Variants in ABCA5 observed in about 807,000 individuals in gnomAD.
The protein encoded by ABCA5 is ATP binding cassette subfamily A member 5.
ABCA5 carries 163 observed loss-of-function variants against 206.0 expected under a neutral mutation model. The ratio of observed to expected loss-of-function variants is 0.79; its 90% CI spans 0.70 to 0.90. The LOEUF is 0.90. Among genes scored for constraint, ABCA5 ranks in the 40% least tolerant of loss-of-function variants. The pLI is 0.00. For missense variants in ABCA5, 1,859 were observed against 1,912.9 expected (o/e 0.97, Z 0.53); for synonymous variants, 609 against 613.8 (o/e 0.99, Z 0.11).
At chr17:69,274,174 T>C (rs1458731050) in intron 19 of ABCA5, 46 bp from the exon 20 acceptor site, 2 of 1,477,822 alleles carry the variant, frequency 1.4e-6, no homozygotes, top group Non-Finnish European at 1.8e-6. Context: ...CAAAGGTACA[T>C]TAATATGAAA....
intron 8 of ABCA5, among the ~76,000 whole-genome samples, chr17:69,301,960 G>A (rs949058187): frequency 6.6e-6 from 1 of 152,104 alleles, no homozygotes; most frequent in Non-Finnish European, 1.5e-5. Flanking sequence ...TTCGTTCCTA[G>A]AGAACGCGGA....
intron 4 of ABCA5, 72 bp downstream of exon 4, chr17:69,309,189 AT>A: frequency 7.9e-7 from 1 of 1,262,274 alleles, no homozygotes. Context: ...ACTATATAAA[AT>A]TTTGACTATG....
At position 69,287,597 on chromosome 17, in the gene ABCA5, A is replaced by C. The variant is rs1344063029; in HGVS notation, c.2041+16T>G. ...GCCCATGATCTCAGCCTTCGAAAAT[A>C]AAACAAAAATCTCACCTGCAAGAAT... is the stretch of plus-strand genomic sequence containing the variant. On this transcript the variant is annotated intron_variant, in intron 15 of 38. Transcript: ENST00000392676. 1 of 1,603,926 alleles carries C rather than the reference A, an allele frequency of 6.2e-7. No homozygotes were observed. The highest frequency in any genetic ancestry group is 1.1e-5 in the South Asian group (1 of 89,358).
At chr17:69,247,868 CTACT>C (rs987974542) in intron 38 of ABCA5, among the ~76,000 whole-genome samples, 2 of 151,942 alleles carry the variant, frequency 1.3e-5, no homozygotes, top group African/African-American at 4.8e-5. Flanking sequence ...TAATTCATAA[CTACT>C]TAAACAATGT....
At chr17:69,295,790 T>C (rs2144995469) in intron 10 of ABCA5, among the ~76,000 whole-genome samples, 1 of 152,330 alleles carries the variant, frequency 6.6e-6, no homozygotes, top group African/African-American at 2.4e-5. Context: ...ACATTTGTTT[T>C]TGGTATTTCT....
In ABCA5 at chr17:69,285,919, T is replaced by C; in HGVS notation, c.2251A>G (p.Lys751Glu). 6.2e-7 allele frequency: 1 copy of C among 1,612,442 alleles called. No homozygotes were observed. Among genetic ancestry groups the C allele is most frequent in the East Asian group, 2.2e-5 (1 of 44,776 alleles). ...DQQLVYSLPF[K>E]DMDKFSGLFS... ...ATACCTGAAAATTTGTCCATGTCCT[T>C]GAAAGGCAAGCTATACACAAGTTGT... Residue 751 changes from lysine (K) to glutamate (E), a missense_variant, in exon 17 of 39, where the codon AAG becomes GAG. By Grantham distance (56) the Lys-to-Glu change is moderately conservative. Coordinates refer to ENST00000392676, the MANE Select transcript of ABCA5 (RefSeq NM_172232.4).
chr17:69,247,357 T>A lies in ABCA5; in HGVS notation c.*180A>T, dbSNP rs1029108545. 12 of 529,512 alleles carry A rather than the reference T, an allele frequency of 2.3e-5. No homozygotes were observed. Among genetic ancestry groups the A allele is most frequent in the Non-Finnish European group, 3.6e-5 (11 of 302,782 alleles). 32.8% of individuals were successfully genotyped at this position (529,512 alleles called of 1,614,324 possible). A position where few individuals can be genotyped will look rare whatever the true frequency, so the allele number is the denominator to read the frequency against. Reference sequence around the variant, plus strand: ...ACATGCAGCTTCACTTAATTATACATACGTTTTATTTAAAGAAAAGCAAAA... The same window carrying A: ...ACATGCAGCTTCACTTAATTATACAAACGTTTTATTTAAAGAAAAGCAAAA... On this transcript the variant is annotated 3_prime_UTR_variant, in exon 39 of 39. Coordinates refer to ENST00000392676, the MANE Select transcript of ABCA5 (RefSeq NM_172232.4).
chr17:69,253,733 A>G, intron 33 of ABCA5, 61 bp downstream of exon 33: 1 of 1,575,840 alleles, frequency 6.3e-7, no homozygotes, highest in Non-Finnish European at 8.7e-7. Context: ...CTATCAAGAC[A>G]ATATCAGGTA....
In ABCA5 at chr17:69,297,298, G is replaced by T; in HGVS notation, c.1329C>A (p.Ser443Arg). ...YFLKPSYWSKSKRNYEELSEG... is the reference protein window; with the variant it reads ...YFLKPSYWSKRKRNYEELSEG... ...CTGATAACTCCTCATAATTTCTTTTGCTCTTTGACCAATATGAAGGCTTCA... is the reference window on the plus strand; with the variant it reads ...CTGATAACTCCTCATAATTTCTTTTTCTCTTTGACCAATATGAAGGCTTCA... The change falls in exon 10 of 39, where the codon AGC (serine) becomes AGA (arginine). Residue 443 changes from serine (S) to arginine (R), a missense_variant. Ser to Arg is a moderately radical substitution (Grantham distance 110). Coordinates refer to ENST00000392676, the MANE Select transcript of ABCA5 (RefSeq NM_172232.4). 2 of 1,611,630 alleles carry T rather than the reference G, an allele frequency of 1.2e-6. No homozygotes were observed. Among genetic ancestry groups the T allele is most frequent in the African/African-American group, 1.3e-5 (1 of 74,720 alleles).
intron 19 of ABCA5, among the ~76,000 whole-genome samples, chr17:69,275,368 A>G (rs200223319): frequency 2.0e-5 from 3 of 152,138 alleles, no homozygotes; most frequent in East Asian, 1.9e-4. Context: ...ATCACATGTA[A>G]TAAGTGTCCT....
rs2145039663 is a variant in ABCA5, at chr17:69,313,128, T to C, written c.271A>G (p.Ile91Val). 1.9e-6 allele frequency: 3 copies of C among 1,611,734 alleles called. No individual in the cohort carries two copies. Among genetic ancestry groups the C allele is most frequent in the Non-Finnish European group, 2.5e-6 (3 of 1,178,688 alleles). ...TGATCAGTAGACACTTTCTGCATGA[T>C]GCTGCTTGTAATATTAGTCACTGGA... ...YTPVTNITSS[I>V]MQKVSTDHLP... The change falls in exon 3 of 39, where the codon ATC becomes GTC. Residue 91 changes from isoleucine to valine, a missense_variant. Physicochemically the swap from Ile to Val is conservative, Grantham distance 29. Coordinates refer to ENST00000392676, the MANE Select transcript of ABCA5 (RefSeq NM_172232.4).
rs896059964 is a variant in ABCA5, at chr17:69,319,947, A to G, written c.-15-5517T>C. On this transcript the variant is annotated intron_variant, in intron 1 of 38. Transcript: ENST00000392676. ...TAAACATGAATCCTGCCTCTGCTAC[A>G]TACTAACTTCAAGACCTTGGGCAAG... Among the ~76,000 whole-genome samples, 7 of 152,334 alleles carry G rather than the reference A, an allele frequency of 4.6e-5. No homozygotes were observed. The East Asian group carries it at 9.6e-4, about 21-fold the overall frequency.
In ABCA5 at chr17:69,287,642, T is replaced by C; in HGVS notation, c.2012A>G (p.His671Arg). Reference sequence around the variant, plus strand: ...AAGAATGTCAGCTTCATCCATGAAATGAGTACTGAACACTGTCACCCGATT... The same window carrying C: ...AAGAATGTCAGCTTCATCCATGAAACGAGTACTGAACACTGTCACCCGATT... ...KANRVTVFSTHFMDEADILAD... is the reference protein window; with the variant it reads ...KANRVTVFSTRFMDEADILAD... Residue 671 changes from histidine to arginine, a missense_variant, in exon 15 of 39, where the codon CAT becomes CGT. Coordinates refer to ENST00000392676, the MANE Select transcript of ABCA5 (RefSeq NM_172232.4). 1 of 1,612,548 alleles carries C rather than the reference T, an allele frequency of 6.2e-7. No homozygotes were observed. The highest frequency in any genetic ancestry group is 8.5e-7 in the Non-Finnish European group (1 of 1,179,320).
chr17:69,250,687 CAT>C, intron 35 of ABCA5, 66 bp from the exon 36 acceptor site: 1 of 1,182,262 alleles, frequency 8.5e-7, no homozygotes, highest in Non-Finnish European at 1.2e-6. Flanking sequence ...ATCTCTCACA[CAT>C]ATAACTACAT....
chr17:69,313,876 G>A (rs2075792626), intron 2 of ABCA5, among the ~76,000 whole-genome samples: 1 of 152,116 alleles, frequency 6.6e-6, no homozygotes, highest in Admixed American at 6.6e-5. Flanking sequence ...GGTTACCCAA[G>A]TTCTTCCTTT....
intron 4 of ABCA5, 96 bp from the exon 5 acceptor site, chr17:69,308,464 TAATC>T (rs991956092): frequency 2.4e-5 from 18 of 765,024 alleles, no homozygotes; most frequent in Non-Finnish European, 4.0e-5. Context: ...CAAAACAATA[TAATC>T]AATCAATCTT....
At position 69,264,790 on chromosome 17, in the gene ABCA5, C is replaced by A; in HGVS notation, c.3260G>T (p.Ser1087Ile). Reference protein sequence around the residue: ...FFIILILMLGSLLAFHYGLYF... With the variant: ...FFIILILMLGILLAFHYGLYF... ...TAATCCATAATGAAATGCCAATAAG[C>A]TTCCTAGCATCAAAATAAGAATGAT... The change falls in exon 24 of 39, where the codon AGC becomes ATC. Residue 1087 changes from serine to isoleucine, a missense_variant. By Grantham distance (142) the Ser-to-Ile change is moderately radical. Transcript: ENST00000392676. The A allele has an allele frequency of 1.3e-6, 2 of 1,595,082 alleles. No homozygotes were observed. Among genetic ancestry groups the A allele is most frequent in the East Asian group, 2.3e-5 (1 of 44,024 alleles).
Position 69,284,015 on chromosome 17 carries a change from GAAAC to G in ABCA5, c.2326_2329del (p.Val776ProfsTer2). ...AAATACGTCTTCCAAAGTCGTCATGGAAACACCATAAGAAATGACACCCAAATTT... is the reference window on the plus strand; with the variant it reads ...AAATACGTCTTCCAAAGTCGTCATGGACCATAAGAAATGACACCCAAATTT... On this transcript the variant is annotated frameshift_variant, in exon 18 of 39. Transcript: ENST00000392676. LOFTEE classifies it high-confidence loss of function. 1 of 1,606,816 alleles carries G rather than the reference GAAAC, an allele frequency of 6.2e-7. No individual in the cohort carries two copies. The highest frequency in any genetic ancestry group is 8.5e-7 in the Non-Finnish European group (1 of 1,176,998).
At position 69,264,743 on chromosome 17, in the gene ABCA5, G is replaced by A. The variant is rs1273751969; in HGVS notation, c.3307C>T (p.Leu1103Phe). Reference sequence around the variant, plus strand: ...AACTAACGTTAACTTACCACAGCAAGGAACTTTACAGTATAAAAATATAAT... The same window carrying A: ...AACTAACGTTAACTTACCACAGCAAAGAACTTTACAGTATAAAAATATAAT... ...YGLYFYTVKF[L>F]AVVFCLIGYV... Residue 1103 changes from leucine to phenylalanine, a missense_variant, in exon 24 of 39, where the codon CTT (leucine) becomes TTT (phenylalanine). Coordinates refer to ENST00000392676, the MANE Select transcript of ABCA5 (RefSeq NM_172232.4). 4 of 1,536,512 alleles carry A rather than the reference G, an allele frequency of 2.6e-6. No homozygotes were observed. The highest frequency in any genetic ancestry group is 3.5e-6 in the Non-Finnish European group (4 of 1,145,590).
Sources: allele counts gnomAD v4.1 joint callset (sites outside exome capture counted in the v4.1 genomes callset), GRCh38; gene constraint gnomAD v4.1.1; transcripts MANE v1.5; gene names NCBI Gene and HGNC (gene_info 2026-07-23, HGNC 2026-07-21).